The following RP1 variants were observed in gnomAD, a reference collection of about 807,000 sequenced individuals.
RP1 encodes RP1 axonemal microtubule associated, also known as oxygen-regulated protein 1.
Under a neutral mutation model 14.8 loss-of-function variants are expected in RP1, and 16 were observed. The ratio of observed to expected loss-of-function variants is 1.08; its 90% CI spans 0.73 to 1.65. RP1 has a LOEUF of 1.65. Ranked by LOEUF, RP1 falls within the 40% of genes most tolerant of loss-of-function variation. The pLI, the probability that RP1 is intolerant of heterozygous loss-of-function variation, is 0.00. For missense variants in RP1, 2,631 were observed against 2,535.0 expected (o/e 1.04, Z -0.81); for synonymous variants, 876 against 883.6 (o/e 0.99, Z 0.15).
At chr8:54,742,024 G>A (rs1809110416) in intron 19 of RP1, among the ~76,000 whole-genome samples, 1 of 151,700 alleles carries the variant, frequency 6.6e-6, no homozygotes, top group African/African-American at 2.4e-5. Flanking sequence ...ATTTGCCTGA[G>A]GTTCCTCAGT....
chr8:54,582,447 G>A (rs2129297200), intron 1 of RP1, among the ~76,000 whole-genome samples: 1 of 151,036 alleles, frequency 6.6e-6, no homozygotes, highest in African/African-American at 2.4e-5. Flanking sequence ...GATGCCTCCA[G>A]CTTTGTTCTT....
In RP1 at chr8:54,628,047, T is replaced by C. The variant is rs752032376; in HGVS notation, c.4165T>C (p.Ser1389Pro). ...TAAAAATGGATTTAATACATTGGTG[T>C]CACATCAAAATGTCAGTAATTTAAG... Reference protein sequence around the residue: ...EYKNGFNTLVSHQNVSNLSSC... With the variant: ...EYKNGFNTLVPHQNVSNLSSC... The change falls in exon 4 of 4, where the codon TCA (serine) becomes CCA (proline). Residue 1389 changes from serine (S) to proline (P), a missense_variant. By Grantham distance (74) the Ser-to-Pro change is moderately conservative (BLOSUM62 -1). Transcript: ENST00000220676. 6.2e-7 allele frequency: 1 copy of C among 1,614,046 alleles called. No homozygotes were observed. The highest frequency in any genetic ancestry group is 8.5e-7 in the Non-Finnish European group (1 of 1,179,946).
intron 12 of RP1, among the ~76,000 whole-genome samples, chr8:54,682,262 T>C (rs1176325891): frequency 3.3e-5 from 5 of 152,046 alleles, no homozygotes; most frequent in East Asian, 1.9e-4. Context: ...TTTTTTTACT[T>C]TAAGTTCTGG....
exon 20 of RP1, chr8:54,754,892 C>G (rs1809461614): frequency 6.6e-7 from 1 of 1,526,454 alleles, no homozygotes; most frequent in Non-Finnish European, 8.8e-7. Flanking sequence ...GGGATGTTGT[C>G]TGTGAGCTTC....
At position 54,649,071 on chromosome 8, in the gene RP1, C is replaced by A. The variant is rs563496410; in HGVS notation, c.874C>A (p.His292Asn). ...GATTTATATTATTCTGTATGGACAA[C>A]ATAGAAGTTCAGCCCCCATATATCT... The change falls in exon 4 of 23, where the codon CAT (histidine) becomes AAT (asparagine). Residue 292 changes from histidine (H) to asparagine (N), a missense_variant. Coordinates refer to the RP1 transcript ENST00000636932. 5.8e-5 allele frequency: 89 copies of A among 1,532,372 alleles called. No individual in the cohort carries two copies. The African/African-American group carries it at 1.0e-3, about 17-fold the overall frequency. The allele number at this position is 1,532,372 out of a possible 1,614,324, so 94.9% of individuals were successfully genotyped here. A position where few individuals can be genotyped will look rare whatever the true frequency, so the allele number is the denominator to read the frequency against.
downstream of RP1, among the ~76,000 whole-genome samples, chr8:54,632,585 T>C (rs1376533683): frequency 6.6e-6 from 1 of 152,256 alleles, no homozygotes; most frequent in Non-Finnish European, 1.5e-5. Flanking sequence ...ATTTAATTTT[T>C]CTTTACCTCT....
In RP1 at chr8:54,624,932, A is replaced by G; in HGVS notation, c.1050A>G (p.Thr350=). The change falls in exon 4 of 4, where the codon ACA becomes ACG. Residue 350 remains threonine (T), a synonymous_variant. Coordinates refer to ENST00000220676, the MANE Select transcript of RP1 (RefSeq NM_006269.2). ...RIKEEETIKW[T]TTVSKTGPSN... is the part of the protein sequence containing the mutation. ...AAGAGGAAGAAACCATAAAATGGAC[A>G]ACTACTGTCAGTAAAACTGGTCCTT... 6.2e-7 allele frequency: 1 copy of G among 1,614,202 alleles called. No homozygotes were observed. Among genetic ancestry groups the G allele is most frequent in the South Asian group, 1.1e-5 (1 of 91,080 alleles).
chr8:54,647,383 C>T (rs1806571453), intron 3 of RP1, among the ~76,000 whole-genome samples: 1 of 152,012 alleles, frequency 6.6e-6, no homozygotes, highest in South Asian at 2.1e-4. Flanking sequence ...CACTGCACTC[C>T]AGCTTGGGTG....
At chr8:54,652,525 A>G (rs1806675337) in intron 4 of RP1, among the ~76,000 whole-genome samples, 2 of 151,298 alleles carry the variant, frequency 1.3e-5, no homozygotes, top group African/African-American at 2.4e-5. Flanking sequence ...TCTTTTCTCT[A>G]CTTGTTCTAC....
In RP1 at chr8:54,625,005, A is replaced by G. The variant is rs1805989264; in HGVS notation, c.1123A>G (p.Ser375Gly). 2 of 1,614,206 alleles carry G rather than the reference A, an allele frequency of 1.2e-6. No individual in the cohort carries two copies. Among genetic ancestry groups the G allele is most frequent in the Non-Finnish European group, 8.5e-7 (1 of 1,180,024 alleles). Residue 375 changes from serine to glycine, a missense_variant, in exon 4 of 4, where the codon AGT (serine) becomes GGT (glycine). By Grantham distance (56) the Ser-to-Gly change is moderately conservative. Coordinates refer to ENST00000220676, the MANE Select transcript of RP1 (RefSeq NM_006269.2). ...GATGAGTTTTCCAGGAAGAACAGAA[A>G]GTCGATCATCTGGTTTAAAGCTTGC... Reference protein sequence around the residue: ...SEMSFPGRTESRSSGLKLAAC... With the variant: ...SEMSFPGRTEGRSSGLKLAAC...
chr8:54,850,764 AAAAAAGAATTTAC>A (rs1812042639), intron 25 of RP1, among the ~76,000 whole-genome samples: 1 of 152,236 alleles, frequency 6.6e-6, no homozygotes, highest in African/African-American at 2.4e-5. Flanking sequence ...ATTTAGCATT[AAAAAAGAATTTAC>A]ATGCTTTTGT....
chr8:54,630,287 T>A lies in RP1; in HGVS notation c.6405T>A (p.Ile2135=), dbSNP rs200538824. 79 of 1,613,730 alleles carry A rather than the reference T, an allele frequency of 4.9e-5. No homozygotes were observed. The highest frequency in any genetic ancestry group is 6.6e-5 in the Non-Finnish European group (78 of 1,179,818). ...TGTTTGAGGGTGAAAATCTTTTCAT[T>A]TGGGAAGAGGAAGACATATTAAATT... ...LCMFEGENLF[I]WEEEDILNLT... is the part of the protein sequence containing the mutation. Residue 2135 remains isoleucine (I), a synonymous_variant, in exon 4 of 4, where the codon ATT becomes ATA. Coordinates refer to ENST00000220676, the MANE Select transcript of RP1 (RefSeq NM_006269.2).
chr8:54,605,272 A>G (rs1805403380), intron 1 of RP1, among the ~76,000 whole-genome samples: 1 of 152,190 alleles, frequency 6.6e-6, no homozygotes, highest in Non-Finnish European at 1.5e-5. Context: ...GAACATCTTT[A>G]TTACTGCCTT....
In RP1 at chr8:54,703,050, C is replaced by A. The variant is rs1431022883; in HGVS notation, c.1998+1388C>A. Reference sequence around the variant, plus strand: ...TCCAAAGTCTTGAACCACTCAAAATCGTTCACGAGGTTTCAAATCAAATTC... The same window carrying A: ...TCCAAAGTCTTGAACCACTCAAAATAGTTCACGAGGTTTCAAATCAAATTC... On this transcript the variant is annotated intron_variant, in intron 14 of 22. Coordinates refer to the RP1 transcript ENST00000636932. Among the ~76,000 whole-genome samples, 3 of 152,270 alleles carry A rather than the reference C, an allele frequency of 2.0e-5. No homozygotes were observed. In the East Asian group the frequency reaches 5.8e-4, roughly 29 times the overall value.
rs1392984479 is a variant in RP1, at chr8:54,622,143, G to A, written c.642G>A (p.Leu214=). Residue 214 remains leucine, a synonymous_variant, in exon 3 of 4, where the codon CTG becomes CTA. Coordinates refer to ENST00000220676, the MANE Select transcript of RP1 (RefSeq NM_006269.2). The part of the protein sequence containing the change: ...RRVPSLQAVI[L]SSGAVVAAGR... ...TTCCCAGCCTCCAGGCAGTGATCCTGAGCTCTGGAGCTGTGGTGGCGGCAG... is the reference window on the plus strand; with the variant it reads ...TTCCCAGCCTCCAGGCAGTGATCCTAAGCTCTGGAGCTGTGGTGGCGGCAG... 1.2e-6 allele frequency: 2 copies of A among 1,614,056 alleles called. No individual in the cohort carries two copies. The highest frequency in any genetic ancestry group is 2.7e-5 in the African/African-American group (2 of 74,918).
At chr8:54,700,990 C>T (rs1179132378) in intron 13 of RP1, among the ~76,000 whole-genome samples, 1 of 152,180 alleles carries the variant, frequency 6.6e-6, no homozygotes, top group Non-Finnish European at 1.5e-5. Context: ...TCTTCACACC[C>T]TACTGCCTCC....
rs377164276 is a variant in RP1 at position 54,662,841 on chromosome 8, A to T, written c.1172-858A>T. Among the ~76,000 whole-genome samples the T allele has an allele frequency of 4.4e-4, 67 of 152,254 alleles. 1 individual carries two copies. The East Asian group carries it at 9.8e-3, about 22-fold the overall frequency. Reference sequence around the variant, plus strand: ...GTTTTGATCTTCATATAGCTGTTCTATGCATTCTGTCAAAGTTTTATAGCT... The same window carrying T: ...GTTTTGATCTTCATATAGCTGTTCTTTGCATTCTGTCAAAGTTTTATAGCT... On this transcript the variant is annotated intron_variant, in intron 6 of 22. Coordinates refer to the RP1 transcript ENST00000636932.
chr8:54,749,062 A>T (rs1031644527), intron 19 of RP1, among the ~76,000 whole-genome samples: 6 of 152,198 alleles, frequency 3.9e-5, no homozygotes, highest in African/African-American at 1.4e-4. Context: ...AAAAGATAAG[A>T]TTATTTTATT....
chr8:54,774,360 A>G (rs946982237), downstream of RP1, among the ~76,000 whole-genome samples: 2 of 152,234 alleles, frequency 1.3e-5, no homozygotes, highest in African/African-American at 4.8e-5. Context: ...TTGCTTCATC[A>G]GTCCCAACAT....
Sources: allele counts gnomAD v4.1 joint callset (sites outside exome capture counted in the v4.1 genomes callset), GRCh38; gene constraint gnomAD v4.1.1; transcripts MANE v1.5; gene names NCBI Gene and HGNC (gene_info 2026-07-23, HGNC 2026-07-21).